DNMBP: variants seen among roughly 807,000 people sequenced by gnomAD.
DNMBP encodes dynamin-binding protein.
Under a neutral mutation model 150.0 loss-of-function variants are expected in DNMBP, and 87 were observed. The observed-to-expected ratio is 0.58, with a 90% CI of 0.49 to 0.69. The LOEUF is 0.69. DNMBP is among the 30% of genes least tolerant of loss of function. DNMBP has a pLI of 0.00. For missense variants in DNMBP, 1,774 were observed against 1,949.0 expected, an observed-to-expected ratio of 0.91 and a Z score of 1.69; for synonymous variants, 711 against 750.4, an observed-to-expected ratio of 0.95 and a Z score of 0.86.
At chr10:99,887,932 C>G (rs1023330357) in intron 12 of DNMBP, among the ~76,000 whole-genome samples, 1 of 152,030 alleles carries the variant, frequency 6.6e-6, no homozygotes, top group African/African-American at 2.4e-5. Context: ...TCAAGCAATT[C>G]TCCTGCCTCA....
chr10:99,920,624 T>C (rs1296206171), intron 4 of DNMBP, among the ~76,000 whole-genome samples: 1 of 152,168 alleles, frequency 6.6e-6, no homozygotes, highest in African/African-American at 2.4e-5. Flanking sequence ...GGCTGTTGCT[T>C]CTGTGTGTGT....
At chr10:99,905,423 G>A (rs756620923) in intron 6 of DNMBP, among the ~76,000 whole-genome samples, 30 of 152,130 alleles carry the variant, frequency 2.0e-4, no homozygotes, top group Non-Finnish European at 3.4e-4. Flanking sequence ...TCTAAGTGTC[G>A]GTTTCTTCAC....
chr10:99,997,288 G>C (rs1384035050), intron 1 of DNMBP, among the ~76,000 whole-genome samples: 2 of 152,166 alleles, frequency 1.3e-5, no homozygotes, highest in African/African-American at 4.8e-5. Context: ...CCTAACTCTA[G>C]GGAACACGAA....
At chr10:99,960,471 G>T (rs2040552085) in intron 3 of DNMBP, among the ~76,000 whole-genome samples, 1 of 152,018 alleles carries the variant, frequency 6.6e-6, no homozygotes, top group South Asian at 2.1e-4. Flanking sequence ...TGGAAAACTG[G>T]GTTATCTTTT....
intron 4 of DNMBP, among the ~76,000 whole-genome samples, chr10:99,921,012 T>A (rs1208302911): frequency 2.6e-5 from 4 of 152,180 alleles, no homozygotes; most frequent in African/African-American, 9.7e-5. Context: ...TTTACTCCTC[T>A]CAGTTGGGTA....
intron 16 of DNMBP, 76 bp downstream of exon 16, chr10:99,879,735 C>T (rs2039333262): frequency 6.4e-7 from 1 of 1,574,096 alleles, no homozygotes; most frequent in Non-Finnish European, 8.6e-7. Flanking sequence ...CAAGCCACTT[C>T]TGCCTCACCC....
intron 1 of DNMBP, among the ~76,000 whole-genome samples, chr10:99,995,024 G>A (rs977975894): frequency 4.6e-5 from 7 of 151,832 alleles, no homozygotes; most frequent in Admixed American, 6.6e-5. Flanking sequence ...CCAAGCAGCT[G>A]GGCATGCGCC....
At chr10:99,959,342 C>T (rs2040535510) in intron 3 of DNMBP, among the ~76,000 whole-genome samples, 1 of 152,042 alleles carries the variant, frequency 6.6e-6, no homozygotes, top group Non-Finnish European at 1.5e-5. Flanking sequence ...AATAATTAGC[C>T]AGGTGTGGTG....
intron 1 of DNMBP, among the ~76,000 whole-genome samples, chr10:100,009,153 T>C (rs1564762638): frequency 6.6e-6 from 1 of 152,214 alleles, no homozygotes; most frequent in Non-Finnish European, 1.5e-5. Context: ...TTAAAGTTGT[T>C]TTTGCACTTA....
chr10:99,932,492 A>T (rs1292398698), intron 4 of DNMBP, among the ~76,000 whole-genome samples: 2 of 152,152 alleles, frequency 1.3e-5, no homozygotes, highest in African/African-American at 4.8e-5. Flanking sequence ...AGAAGTTCTG[A>T]CATGGCTCGT....
chr10:100,001,097 G>A (rs928672286), intron 1 of DNMBP, among the ~76,000 whole-genome samples: 1 of 150,484 alleles, frequency 6.6e-6, no homozygotes, highest in African/African-American at 2.4e-5. Flanking sequence ...CAGGTGTGGT[G>A]GTGCGTGCCT....
At chr10:99,932,375 GC>G (rs924006687) in intron 4 of DNMBP, among the ~76,000 whole-genome samples, 1 of 152,094 alleles carries the variant, frequency 6.6e-6, no homozygotes, top group African/African-American at 2.4e-5. Flanking sequence ...TAGATCACCT[GC>G]CCCCTCAAAC....
In DNMBP at chr10:99,908,998, C is replaced by T. The variant is rs576171732; in HGVS notation, c.2409G>A (p.Leu803=). 2 of 1,614,162 alleles carry T rather than the reference C, an allele frequency of 1.2e-6. No homozygotes were observed. The highest frequency in any genetic ancestry group is 2.2e-5 in the South Asian group (2 of 91,082). ...CCATGATCCGCTCAATACACATTTC[C>T]AGATCCCGAATGTAGTCTCTTTCTG... ...LQTERDYIRD[L]EMCIERIMVP... The change falls in exon 5 of 17, where the codon CTG becomes CTA. Residue 803 remains leucine, a synonymous_variant. Transcript: ENST00000324109.
At chr10:99,893,345 TC>T (rs1337582380) in intron 11 of DNMBP, among the ~76,000 whole-genome samples, 6 of 152,248 alleles carry the variant, frequency 3.9e-5, no homozygotes, top group Non-Finnish European at 8.8e-5. Flanking sequence ...CTAGTTCTAA[TC>T]TTTTCCAACT....
chr10:99,957,069 G>T lies in DNMBP; in HGVS notation c.405C>A (p.Ser135=). 12 of 1,614,156 alleles carry T rather than the reference G, an allele frequency of 7.4e-6. No individual in the cohort carries two copies. Among genetic ancestry groups the T allele is most frequent in the Non-Finnish European group, 9.3e-6 (11 of 1,180,026 alleles). Residue 135 remains serine, a synonymous_variant, in exon 4 of 17, where the codon TCC becomes TCA. Transcript: ENST00000324109. ...CLSSQSRQWH[S]QSALFQIPEY... is the part of the protein sequence containing the mutation. ...CCGGAATCTGAAACAGGGCGCTCTG[G>T]GAGTGCCACTGCCGGCTCTGTGAGG... is the stretch of plus-strand genomic sequence containing the variant.
intron 4 of DNMBP, among the ~76,000 whole-genome samples, chr10:99,941,765 G>C (rs1589430681): frequency 1.3e-5 from 2 of 152,274 alleles, no homozygotes; most frequent in Admixed American, 1.3e-4. Context: ...ACCACGCCTG[G>C]CCTCTTCTCA....
chr10:99,962,763 A>T (rs1246694724), intron 3 of DNMBP, among the ~76,000 whole-genome samples: 4 of 152,158 alleles, frequency 2.6e-5, no homozygotes, highest in Non-Finnish European at 5.9e-5. Context: ...GGTGAAGGGG[A>T]AGAATAAAAG....
intron 1 of DNMBP, among the ~76,000 whole-genome samples, chr10:99,994,023 TTTGA>T (rs1374677736): frequency 6.6e-6 from 1 of 152,184 alleles, no homozygotes; most frequent in Non-Finnish European, 1.5e-5. Context: ...AAACACAGTG[TTTGA>T]TTAAGTGAAC....
intron 10 of DNMBP, 124 bp from the exon 11 acceptor site, chr10:99,895,174 T>G: frequency 1.7e-6 from 1 of 605,670 alleles, no homozygotes; most frequent in East Asian, 2.9e-5. Context: ...TCGTCCAGGT[T>G]GGAGTGCAAT....
Sources: gnomAD v4.1 joint callset for allele counts (sites outside exome capture counted in the v4.1 genomes callset) on GRCh38, gnomAD v4.1.1 for gene constraint, MANE v1.5 for transcripts, NCBI Gene and HGNC (gene_info 2026-07-23, HGNC 2026-07-21) for gene names.